MAPT: variants seen among roughly 807,000 people sequenced by gnomAD.
MAPT encodes the protein microtubule-associated protein tau.
A neutral mutation model predicts 67.9 loss-of-function variants in MAPT; 34 were observed. The ratio of observed to expected loss-of-function variants is 0.50; its 90% CI spans 0.38 to 0.67. The LOEUF (loss-of-function observed/expected upper bound fraction) is 0.67. MAPT is among the 30% of genes least tolerant of loss of function. The pLI is 0.00. For synonymous variants in MAPT, 456 were observed against 464.5 expected, an observed-to-expected ratio of 0.98 and a Z score of 0.23; for missense variants, 881 against 1,115.2, an observed-to-expected ratio of 0.79 and a Z score of 2.99.
chr17:45,950,035 G>C (rs1018403376), intron 1 of MAPT, among the ~76,000 whole-genome samples: 2 of 152,130 alleles, frequency 1.3e-5, no homozygotes, highest in African/African-American at 4.8e-5. Flanking sequence ...GAGCAGAGGG[G>C]CAAAGCTGTC....
At chr17:45,993,555 A>G (rs1007972208) in intron 8 of MAPT, among the ~76,000 whole-genome samples, 3 of 152,252 alleles carry the variant, frequency 2.0e-5, no homozygotes, top group Admixed American at 6.5e-5. Context: ...CTGGGACTAC[A>G]GGCACAGGCC....
At chr17:45,904,339 T>TATA (rs2064122116) in intron 1 of MAPT, among the ~76,000 whole-genome samples, 5 of 78,240 alleles carry the variant, frequency 6.4e-5, no homozygotes, top group Non-Finnish European at 7.1e-5. Context: ...TTATATATTA[T>TATA]ATATATATTA....
intron 1 of MAPT, among the ~76,000 whole-genome samples, chr17:45,913,949 G>A (rs566013542): frequency 6.6e-6 from 1 of 152,166 alleles, no homozygotes; most frequent in South Asian, 2.1e-4. Flanking sequence ...TAAGGAGCCT[G>A]GATCAACTGG....
intron 1 of MAPT, among the ~76,000 whole-genome samples, chr17:45,913,702 A>G (rs1328729920): frequency 1.3e-5 from 2 of 152,200 alleles, no homozygotes; most frequent in African/African-American, 4.8e-5. Context: ...CCATCATTTC[A>G]TGTCCATCAC....
At position 45,998,318 on chromosome 17, in the gene MAPT, C is replaced by T. The variant is rs1479234290; in HGVS notation, c.1998+1654C>T. On this transcript the variant is annotated intron_variant, in intron 9 of 12. Transcript: ENST00000262410. ...CACATCCCATCGGGATGGAAATGGA[C>T]GGTCGGGTTAAAAGGGACGCATGTG... 5.3e-5 allele frequency among the ~76,000 whole-genome samples: 8 copies of T among 152,112 alleles called. No homozygotes were observed. The East Asian group carries it at 7.7e-4, about 15-fold the overall frequency.
intron 1 of MAPT, among the ~76,000 whole-genome samples, chr17:45,932,604 A>AG (rs2066944714): frequency 6.6e-6 from 1 of 151,638 alleles, no homozygotes; most frequent in Non-Finnish European, 1.5e-5. Context: ...CAAAAAAAAA[A>AG]AAAAAAAAAA....
chr17:45,971,708 C>T lies in MAPT; in HGVS notation c.134-151C>T, dbSNP rs2071693625. The T allele has an allele frequency of 1.4e-6, 1 of 705,012 alleles. No homozygotes were observed. The highest frequency in any genetic ancestry group is 2.6e-6 in the Non-Finnish European group (1 of 386,316). 43.7% of individuals were successfully genotyped at this position (705,012 alleles called of 1,614,324 possible). A position where few individuals can be genotyped will look rare whatever the true frequency, so the allele number is the denominator to read the frequency against. ...CAGGGAGGGAGGTGGGGTTGGTCCC[C>T]TTTGTGGGTTTGTTGCGAGGCCGTG... On this transcript the variant is annotated intron_variant, in intron 2 of 12. Coordinates refer to ENST00000262410, the MANE Select transcript of MAPT (RefSeq NM_001377265.1). This position sits in a 1 kb window ranked among gnomAD's most constrained non-coding sequence, Gnocchi z 4.3.
intron 9 of MAPT, among the ~76,000 whole-genome samples, chr17:45,997,732 T>G (rs1203906225): frequency 1.3e-5 from 2 of 151,920 alleles, no homozygotes; most frequent in African/African-American, 4.8e-5. Context: ...TGCACTCCAG[T>G]TTGAGCAACA....
intron 1 of MAPT, among the ~76,000 whole-genome samples, chr17:45,903,832 TTATATATTTTATATATTATATA>T: frequency 2.5e-3 from 1 of 394 alleles, no homozygotes; most frequent in African/African-American, 4.2e-3. Flanking sequence ...ATATTATATA[TTATATATTTTATATATTATATA>T]TTATATATAT....
chr17:46,012,281 A>C (rs2075866959), intron 10 of MAPT, among the ~76,000 whole-genome samples: 6 of 152,134 alleles, frequency 3.9e-5, no homozygotes. Flanking sequence ...TGCCCAGGAC[A>C]TCTGGGACCT....
intron 9 of MAPT, among the ~76,000 whole-genome samples, chr17:45,998,904 C>A (rs892937255): frequency 1.3e-5 from 2 of 152,086 alleles, no homozygotes; most frequent in Admixed American, 1.3e-4. Flanking sequence ...CCCTCACTGG[C>A]CTTTCCTGCC....
Position 45,934,646 on chromosome 17 carries a change from C to T in MAPT, c.-17-27675C>T, listed in dbSNP as rs73314912. 2.0e-3 allele frequency among the ~76,000 whole-genome samples: 298 copies of T among 152,318 alleles called. 3 individuals are homozygous for T. Among genetic ancestry groups the T allele is most frequent in the African/African-American group, 7.0e-3 (293 of 41,566 alleles). ...GCAGGCGTGGACTTGCGCACGTAAC[C>T]ATGTCAATGCAAAGCCATCACTTCT... On this transcript the variant is annotated intron_variant, in intron 1 of 12. Coordinates refer to ENST00000262410, the MANE Select transcript of MAPT (RefSeq NM_001377265.1).
chr17:45,971,740 C>T lies in MAPT; in HGVS notation c.134-119C>T, dbSNP rs530199957. 1.2e-4 allele frequency: 90 copies of T among 766,806 alleles called. No homozygotes were observed. The African/African-American group carries it at 1.5e-3, about 12-fold the overall frequency. 47.5% of individuals were successfully genotyped at this position (766,806 alleles called of 1,614,324 possible). On this transcript the variant is annotated intron_variant, in intron 2 of 12. Coordinates refer to ENST00000262410, the MANE Select transcript of MAPT (RefSeq NM_001377265.1). This position sits in a 1 kb window ranked among gnomAD's most constrained non-coding sequence, Gnocchi z 4.3. ...GGTTTGTTGCGAGGCCGTGTTCCAG[C>T]TGTTTCCACAGGGAGCGATTTTCAG...
intron 12 of MAPT, among the ~76,000 whole-genome samples, chr17:46,021,189 G>A (rs530273271): frequency 1.3e-5 from 2 of 152,336 alleles, no homozygotes; most frequent in African/African-American, 2.4e-5. Context: ...CTCCAGACAC[G>A]CCCTGAGGCA....
At chr17:45,986,907 C>G in intron 5 of MAPT, 133 bp from the exon 6 acceptor site, 2 of 735,480 alleles carry the variant, frequency 2.7e-6, no homozygotes, top group Non-Finnish European at 2.4e-6. Context: ...GAAAAGAGAA[C>G]CAACTGGGTT....
Position 45,915,918 on chromosome 17 carries a change from G to C in MAPT, c.-18+21232G>C, listed in dbSNP as rs1412261704. 6.6e-6 allele frequency among the ~76,000 whole-genome samples: 1 copy of C among 152,174 alleles called. No homozygotes were observed. The highest frequency in any genetic ancestry group is 1.5e-5 in the Non-Finnish European group (1 of 68,036). ...CCAGAACACTCTCTTTTCTCTTAGTGCTTTCACCCAGATGACCACATTTCA... is the reference window on the plus strand; with the variant it reads ...CCAGAACACTCTCTTTTCTCTTAGTCCTTTCACCCAGATGACCACATTTCA... On this transcript the variant is annotated intron_variant, in intron 1 of 12. Transcript: ENST00000262410. This position sits in a 1 kb window ranked among gnomAD's most constrained non-coding sequence, Gnocchi z 4.4.
chr17:45,985,658 T>A (rs2073465539), intron 5 of MAPT: 1 of 985,258 alleles, frequency 1.0e-6, no homozygotes, highest in African/African-American at 1.7e-5. Context: ...TAACATTTCC[T>A]GGAGGAAGTT....
At chr17:45,936,322 C>T (rs979969255) in intron 1 of MAPT, among the ~76,000 whole-genome samples, 2 of 152,192 alleles carry the variant, frequency 1.3e-5, no homozygotes, top group African/African-American at 2.4e-5. Flanking sequence ...GAAAATGGGT[C>T]GCTCCATCCT....
chr17:46,022,374 G>C (rs1163030940), intron 12 of MAPT, among the ~76,000 whole-genome samples: 2 of 130,784 alleles, frequency 1.5e-5, no homozygotes, highest in Non-Finnish European at 3.3e-5. Context: ...AAAAAAAAAA[G>C]ATAAAATACA....
Sources: allele counts gnomAD v4.1 joint callset (sites outside exome capture counted in the v4.1 genomes callset), GRCh38; gene constraint gnomAD v4.1.1; non-coding constraint Gnocchi (gnomAD v3.1); transcripts MANE v1.5; gene names NCBI Gene and HGNC (gene_info 2026-07-23, HGNC 2026-07-21).